Variants in TMTC1 observed in about 807,000 individuals in gnomAD.
The protein encoded by TMTC1 is protein O-mannosyl-transferase TMTC1.
Under a neutral mutation model 104.8 loss-of-function variants are expected in TMTC1, and 73 were observed. The observed-to-expected ratio is 0.70, with a 90% confidence interval of 0.58 to 0.85. TMTC1 has a LOEUF of 0.85. Among genes scored for constraint, TMTC1 ranks in the 40% least tolerant of loss-of-function variants. TMTC1 has a pLI of 0.00. For missense variants in TMTC1, 1,035 were observed against 1,096.1 expected, an observed-to-expected ratio of 0.94 and a Z score of 0.79; for synonymous variants, 434 against 428.7, an observed-to-expected ratio of 1.01 and a Z score of -0.15.
rs534138225 is a variant in TMTC1, at chr12:29,744,098, C to T, written c.938+7568G>A. Among the ~76,000 whole-genome samples, 27 of 152,302 alleles carry T rather than the reference C, an allele frequency of 1.8e-4. No homozygotes were observed. The South Asian group carries it at 1.9e-3, about 11-fold the overall frequency. ...ACCAGAAATGCCTATGTTCTGACAG[C>T]GTTCTCTTTCAACATATGTCCCTGT... On this transcript the variant is annotated intron_variant, in intron 5 of 17. Coordinates refer to ENST00000539277, the MANE Select transcript of TMTC1 (RefSeq NM_001193451.2).
chr12:29,550,389 A>G (rs1945062341), intron 10 of TMTC1, among the ~76,000 whole-genome samples: 1 of 152,206 alleles, frequency 6.6e-6, no homozygotes, highest in Non-Finnish European at 1.5e-5. Flanking sequence ...GGCCGGCAGG[A>G]AAGAGGGAGC....
At chr12:29,720,953 C>G (rs888123755) in intron 5 of TMTC1, among the ~76,000 whole-genome samples, 1 of 151,992 alleles carries the variant, frequency 6.6e-6, no homozygotes, top group Non-Finnish European at 1.5e-5. Context: ...GAGTGGTGAC[C>G]TACTGAAGCC....
chr12:29,662,581 C>T (rs191590655), intron 5 of TMTC1, among the ~76,000 whole-genome samples: 3 of 145,600 alleles, frequency 2.1e-5, no homozygotes, highest in East Asian at 4.4e-4. Flanking sequence ...ACCCGGGAGG[C>T]GGAGGTTGCA....
chr12:29,693,315 C>T lies in TMTC1; in HGVS notation c.938+58351G>A, dbSNP rs546916416. On this transcript the variant is annotated intron_variant, in intron 5 of 17. Transcript: ENST00000539277. Reference sequence around the variant, plus strand: ...TACATACAATGTGTGCTGATCAAATCAGGATAATTAGCATATCCATCATCT... The same window carrying T: ...TACATACAATGTGTGCTGATCAAATTAGGATAATTAGCATATCCATCATCT... Among the ~76,000 whole-genome samples, 3 of 144,882 alleles carry T rather than the reference C, an allele frequency of 2.1e-5. 1 individual carries two copies. The highest frequency in any genetic ancestry group is 7.6e-5 in the African/African-American group (3 of 39,714).
chr12:29,783,190 C>A lies in TMTC1; in HGVS notation c.302+260G>T, dbSNP rs1943874583. 2.6e-6 allele frequency: 1 copy of A among 380,196 alleles called. No individual in the cohort carries two copies. The highest frequency in any genetic ancestry group is 4.6e-6 in the Non-Finnish European group (1 of 215,288). 23.6% of individuals were successfully genotyped at this position (380,196 alleles called of 1,614,324 possible). On this transcript the variant is annotated intron_variant, in intron 1 of 17. Coordinates refer to ENST00000539277, the MANE Select transcript of TMTC1 (RefSeq NM_001193451.2). This position sits in a 1 kb window ranked among gnomAD's most constrained non-coding sequence, Gnocchi z 4.7. The stretch of plus-strand genomic sequence containing the variant: ...TCCCAGCCCTGCCTCGAGAGAGAAG[C>A]CCGCTGAGAGGGCAGACAGTTGAGA...
intron 5 of TMTC1, among the ~76,000 whole-genome samples, chr12:29,637,648 A>G (rs4931206): frequency 0.99 from 151,007 of 152,288 alleles, 74,880 homozygotes; most frequent in Middle Eastern, 1. Context: ...GGCTCTTCAC[A>G]TCTAAATTTT....
chr12:29,779,218 A>G lies in TMTC1; in HGVS notation c.302+4232T>C, dbSNP rs920408367. 1.6e-4 allele frequency among the ~76,000 whole-genome samples: 24 copies of G among 152,258 alleles called. 1 individual carries two copies. The highest frequency in any genetic ancestry group is 5.8e-4 in the African/African-American group (24 of 41,470). On this transcript the variant is annotated intron_variant, in intron 1 of 17. Transcript: ENST00000539277. The stretch of plus-strand genomic sequence containing the variant: ...ACAAACTGCAAGAGGCCTGGCAGCA[A>G]CAAAACCTATGCCAACATTCTGAAT...
At chr12:29,713,527 T>C (rs1263323008) in intron 5 of TMTC1, among the ~76,000 whole-genome samples, 1 of 152,060 alleles carries the variant, frequency 6.6e-6, no homozygotes, top group East Asian at 1.9e-4. Context: ...ATTTGCAAAA[T>C]GTTTACACAT....
intron 5 of TMTC1, among the ~76,000 whole-genome samples, chr12:29,699,648 GCTTT>G (rs1468360077): frequency 3.9e-5 from 5 of 128,526 alleles, no homozygotes; most frequent in African/African-American, 1.2e-4. Flanking sequence ...TTCATCTGGT[GCTTT>G]TTTTTTTTTT....
At chr12:29,634,660 T>C (rs956923242) in intron 5 of TMTC1, among the ~76,000 whole-genome samples, 6 of 152,202 alleles carry the variant, frequency 3.9e-5, no homozygotes, top group African/African-American at 1.4e-4. Context: ...GAATTCATTG[T>C]CCTCAAGGAA....
chr12:29,612,756 G>A (rs116903546), intron 6 of TMTC1, among the ~76,000 whole-genome samples: 4 of 152,160 alleles, frequency 2.6e-5, no homozygotes, highest in East Asian at 1.9e-4. Flanking sequence ...AAGAATGGAC[G>A]TATACATATC....
intron 5 of TMTC1, among the ~76,000 whole-genome samples, chr12:29,735,355 C>T (rs1384971798): frequency 6.6e-6 from 1 of 152,150 alleles, no homozygotes; most frequent in Non-Finnish European, 1.5e-5. Context: ...ACTTATCCTC[C>T]CCATGGCTCC....
At chr12:29,696,282 C>T (rs1404817131) in intron 5 of TMTC1, among the ~76,000 whole-genome samples, 2 of 151,984 alleles carry the variant, frequency 1.3e-5, no homozygotes, top group Non-Finnish European at 2.9e-5. Flanking sequence ...GGATAGAAGA[C>T]TATTGCTTTA....
At position 29,650,449 on chromosome 12, in the gene TMTC1, G is replaced by A. The variant is rs145603548; in HGVS notation, c.939-17113C>T. On this transcript the variant is annotated intron_variant, in intron 5 of 17. Coordinates refer to ENST00000539277, the MANE Select transcript of TMTC1 (RefSeq NM_001193451.2). ...CCTCTCTTCCTGAGGTGAGACACCCGGGCCTCAGGTCATCCCAGCCACCTA... is the reference window on the plus strand; with the variant it reads ...CCTCTCTTCCTGAGGTGAGACACCCAGGCCTCAGGTCATCCCAGCCACCTA... Among the ~76,000 whole-genome samples, 411 of 151,952 alleles carry A rather than the reference G, an allele frequency of 2.7e-3. 2 individuals are homozygous for A. The highest frequency in any genetic ancestry group is 0.018 in the Admixed American group (272 of 15,244).
intron 2 of TMTC1, among the ~76,000 whole-genome samples, chr12:29,767,109 C>T (rs997741184): frequency 6.6e-6 from 1 of 151,992 alleles, no homozygotes; most frequent in African/African-American, 2.4e-5. Context: ...GCCACTGCAC[C>T]TGGCTAAGTT....
At chr12:29,512,002 G>T (rs76455237) in intron 17 of TMTC1, 41 bp downstream of exon 17, 1 of 1,567,392 alleles carries the variant, frequency 6.4e-7, no homozygotes, top group Non-Finnish European at 8.8e-7. Flanking sequence ...GAAAACACAG[G>T]GGGAAAGCCC....
At chr12:29,579,290 C>G (rs1362816292) in intron 8 of TMTC1, among the ~76,000 whole-genome samples, 1 of 152,194 alleles carries the variant, frequency 6.6e-6, no homozygotes, top group East Asian at 1.9e-4. Context: ...TACATTTTGT[C>G]TTTCGTCTTT....
At chr12:29,669,579 A>G (rs1353930542) in intron 5 of TMTC1, among the ~76,000 whole-genome samples, 1 of 152,186 alleles carries the variant, frequency 6.6e-6, no homozygotes, top group Non-Finnish European at 1.5e-5. Context: ...AACAAATAAG[A>G]GGTTCTCGTT....
intron 6 of TMTC1, among the ~76,000 whole-genome samples, chr12:29,604,688 G>C (rs1171655688): frequency 1.3e-5 from 2 of 152,136 alleles, no homozygotes; most frequent in East Asian, 1.9e-4. Flanking sequence ...ATGCAGTAAG[G>C]CACTGCAGAG....
Sources: allele counts gnomAD v4.1 joint callset (sites outside exome capture counted in the v4.1 genomes callset), GRCh38; gene constraint gnomAD v4.1.1; non-coding constraint Gnocchi (gnomAD v3.1); transcripts MANE v1.5; gene names NCBI Gene and HGNC (gene_info 2026-07-23, HGNC 2026-07-21).